The following TMEM41B variants were observed in gnomAD, a reference collection of about 807,000 sequenced individuals.
TMEM41B encodes the protein transmembrane protein 41B.
Under a neutral mutation model 31.9 loss-of-function variants are expected in TMEM41B, and 18 were observed. That is an observed-to-expected ratio of 0.56 (90% CI 0.39 to 0.84). The LOEUF is 0.84. Ranked by LOEUF, TMEM41B falls within the 40% of genes least tolerant of loss-of-function variation. The pLI is 0.00. For synonymous variants in TMEM41B, 144 were observed against 124.3 expected (o/e 1.16, Z -1.05); for missense variants, 322 against 348.0 (o/e 0.93, Z 0.59).
chr11:9,305,434 A>G (rs1853365289), intron 1 of TMEM41B, among the ~76,000 whole-genome samples: 1 of 152,128 alleles, frequency 6.6e-6, no homozygotes, highest in Non-Finnish European at 1.5e-5. Flanking sequence ...CCCTGTCTCT[A>G]CTAAAAATAT....
At chr11:9,308,760 C>T (rs932735782) in intron 1 of TMEM41B, among the ~76,000 whole-genome samples, 3 of 152,104 alleles carry the variant, frequency 2.0e-5, no homozygotes, top group Admixed American at 6.6e-5. Context: ...CTCTGATGAC[C>T]TACTGACAAT....
At chr11:9,288,101 C>T (rs925452350) in intron 4 of TMEM41B, 4 of 385,216 alleles carry the variant, frequency 1.0e-5, no homozygotes, top group Admixed American at 5.3e-5. Flanking sequence ...CACCTCCCCC[C>T]GACCCTACCC....
intron 1 of TMEM41B, among the ~76,000 whole-genome samples, chr11:9,304,702 G>A (rs920244933): frequency 2.0e-5 from 3 of 151,520 alleles, no homozygotes; most frequent in Non-Finnish European, 4.4e-5. Context: ...TCTGTCACCA[G>A]CCTGGAGTGC....
rs1320170896 is a variant in TMEM41B at position 9,311,165 on chromosome 11, G to T, written c.121+3156C>A. 1.3e-5 allele frequency: 15 copies of T among 1,186,212 alleles called. No homozygotes were observed. In the African/African-American group the frequency reaches 2.0e-4, roughly 16 times the overall value. The allele number at this position is 1,186,212 out of a possible 1,614,324, so 73.5% of individuals were successfully genotyped here. A position where few individuals can be genotyped will look rare whatever the true frequency, so the allele number is the denominator to read the frequency against. ...CTCAACAGCAGGGTGAAGCTCAGGC[G>T]GGGGTAGGGTGTGGGGAGCACAAGG... On this transcript the variant is annotated intron_variant, in intron 1 of 6. Transcript: ENST00000528080.
chr11:9,285,791 A>T (rs1357541844), intron 6 of TMEM41B, among the ~76,000 whole-genome samples: 6 of 143,834 alleles, frequency 4.2e-5, no homozygotes, highest in African/African-American at 1.5e-4. Flanking sequence ...CAAAGGAGCT[A>T]TTTTGCCAAA....
intron 2 of TMEM41B, among the ~76,000 whole-genome samples, chr11:9,299,282 CAAAAAAAA>C (rs1180036082): frequency 1.9e-4 from 8 of 41,708 alleles, no homozygotes; most frequent in East Asian, 9.8e-4. Flanking sequence ...GACTCTGTCT[CAAAAAAAA>C]AAAAAAAAAA....
intron 3 of TMEM41B, among the ~76,000 whole-genome samples, chr11:9,289,198 A>G (rs1852900380): frequency 6.6e-6 from 1 of 152,138 alleles, no homozygotes; most frequent in African/African-American, 2.4e-5. Context: ...GGTCTGGCTG[A>G]GTTGCCCAGG....
intron 1 of TMEM41B, chr11:9,311,709 C>G: frequency 1.3e-6 from 1 of 748,984 alleles, no homozygotes; most frequent in African/African-American, 1.7e-5. Context: ...TGTCCTCCAG[C>G]CTTTCCACTG....
At chr11:9,288,146 C>T (rs1852877923) in intron 4 of TMEM41B, 1 of 391,240 alleles carries the variant, frequency 2.6e-6, no homozygotes, top group African/African-American at 2.1e-5. Context: ...GAAAACACCA[C>T]CTCTGGCTCT....
rs1336980471 is a variant in TMEM41B at position 9,311,732 on chromosome 11, G to C, written c.121+2589C>G. The stretch of plus-strand genomic sequence containing the variant: ...AGCCTTTCCACTGCTGCCTGGGCTT[G>C]ATGCATTCTCAAGAGCTTCTTAACT... On this transcript the variant is annotated intron_variant, in intron 1 of 6. Coordinates refer to ENST00000528080, the MANE Select transcript of TMEM41B (RefSeq NM_015012.4). 5.7e-6 allele frequency: 4 copies of C among 705,514 alleles called. No homozygotes were observed. The East Asian group carries it at 1.0e-4, about 18-fold the overall frequency. 43.7% of individuals were successfully genotyped at this position (705,514 alleles called of 1,614,324 possible).
At chr11:9,296,619 A>AG (rs1350952464) in intron 2 of TMEM41B, among the ~76,000 whole-genome samples, 4 of 150,950 alleles carry the variant, frequency 2.6e-5, no homozygotes, top group Admixed American at 6.6e-5. Flanking sequence ...AAAAAAAAAA[A>AG]AAAAGAAAGA....
At chr11:9,295,236 C>A in intron 3 of TMEM41B, 23 bp downstream of exon 3, 1 of 1,489,936 alleles carries the variant, frequency 6.7e-7, no homozygotes, top group South Asian at 1.3e-5. Context: ...AATTAGAAAA[C>A]ATTTTTTCAG....
At chr11:9,297,402 A>T (rs1384392077) in intron 2 of TMEM41B, among the ~76,000 whole-genome samples, 1 of 152,112 alleles carries the variant, frequency 6.6e-6, no homozygotes, top group Non-Finnish European at 1.5e-5. Flanking sequence ...TAATTTCAAA[A>T]TTTTTTATAG....
At position 9,302,459 on chromosome 11, in the gene TMEM41B, A is replaced by AT. The variant is rs1197981142; in HGVS notation, c.122-2759dup. On this transcript the variant is annotated intron_variant, in intron 1 of 6. Transcript: ENST00000528080. ...AATTGGCATTAGTAAGATTTTGCTG[A>AT]TTTTTTTACCCCCGCAAGAGACAGG... 2.0e-5 allele frequency among the ~76,000 whole-genome samples: 2 copies of AT among 99,190 alleles called. 1 individual carries two copies. Among genetic ancestry groups the AT allele is most frequent in the Non-Finnish European group, 4.3e-5 (2 of 46,382 alleles). The allele number at this position is 99,190 out of a possible 152,430, so 65.1% of individuals were successfully genotyped here.
chr11:9,297,332 A>C (rs1853121721), intron 2 of TMEM41B, among the ~76,000 whole-genome samples: 1 of 152,056 alleles, frequency 6.6e-6, no homozygotes, highest in Non-Finnish European at 1.5e-5. Context: ...TGATCCGCCC[A>C]CCTTGGCCTC....
At chr11:9,295,920 G>T (rs747047924) in intron 2 of TMEM41B, among the ~76,000 whole-genome samples, 1 of 151,880 alleles carries the variant, frequency 6.6e-6, no homozygotes, top group African/African-American at 2.4e-5. Flanking sequence ...GCATTGGCGC[G>T]ATCTCGGCTC....
rs1852704930 is a variant in TMEM41B at position 9,280,881 on chromosome 11, T to C, written c.*2543A>G. ...CCACAAGCCAAAGCTTGAATTTACA[T>C]GGGCATCAGGCCAAGTCTGTAAATC... On this transcript the variant is annotated 3_prime_UTR_variant, in exon 7 of 7. Coordinates refer to ENST00000528080, the MANE Select transcript of TMEM41B (RefSeq NM_015012.4). 1.3e-5 allele frequency: 2 copies of C among 152,198 alleles called. No homozygotes were observed. Among genetic ancestry groups the C allele is most frequent in the South Asian group, 2.1e-4 (1 of 4,832 alleles). 9.4% of individuals were successfully genotyped at this position (152,198 alleles called of 1,614,324 possible).
chr11:9,285,957 A>C (rs943871847), intron 6 of TMEM41B, among the ~76,000 whole-genome samples: 1 of 152,164 alleles, frequency 6.6e-6, no homozygotes, highest in Admixed American at 6.6e-5. Flanking sequence ...TCTACTAATA[A>C]TACAAAAATT....
At chr11:9,288,789 A>G (rs571224247) in intron 3 of TMEM41B, among the ~76,000 whole-genome samples, 26 of 152,244 alleles carry the variant, frequency 1.7e-4, no homozygotes, top group African/African-American at 4.8e-4. Flanking sequence ...GGAGGAACAA[A>G]AGAAAAAAGA....
Sources: allele counts gnomAD v4.1 joint callset (sites outside exome capture counted in the v4.1 genomes callset), GRCh38; gene constraint gnomAD v4.1.1; transcripts MANE v1.5; gene names NCBI Gene and HGNC (gene_info 2026-07-23, HGNC 2026-07-21).